The following OXNAD1 variants were observed in gnomAD, a reference collection of about 807,000 sequenced individuals.
OXNAD1 encodes the protein oxidoreductase NAD-binding domain-containing protein 1.
Under a neutral mutation model 32.9 loss-of-function variants are expected in OXNAD1, and 34 were observed. That is an observed-to-expected ratio of 1.03 (90% CI 0.79 to 1.38). The LOEUF is 1.38. Among genes scored for constraint, OXNAD1 ranks in the 40% most tolerant of loss-of-function variants. The pLI is 0.00. For synonymous variants in OXNAD1, 134 were observed against 135.2 expected (o/e 0.99, Z 0.06); for missense variants, 407 against 379.4 (o/e 1.07, Z -0.60).
rs1455243661 is a variant in OXNAD1 at position 16,301,385 on chromosome 3, A to C, written c.433-241A>C. Among the ~76,000 whole-genome samples the C allele has an allele frequency of 6.6e-6, 1 of 152,214 alleles. No individual in the cohort carries two copies. Among genetic ancestry groups the C allele is most frequent in the Non-Finnish European group, 1.5e-5 (1 of 68,040 alleles). On this transcript the variant is annotated intron_variant, in intron 6 of 8. Transcript: ENST00000285083. The surrounding 1 kb of genome is among the most constrained non-coding windows in gnomAD (Gnocchi z 4.1). Reference sequence around the variant, plus strand: ...ACAAATGGTGAAATCACTGAAGCACATCTCCTTTTCTCAGTATTGGAATGG... The same window carrying C: ...ACAAATGGTGAAATCACTGAAGCACCTCTCCTTTTCTCAGTATTGGAATGG...
intron 4 of OXNAD1, among the ~76,000 whole-genome samples, chr3:16,283,672 G>A (rs904943091): frequency 6.6e-6 from 1 of 152,140 alleles, no homozygotes; most frequent in African/African-American, 2.4e-5. Flanking sequence ...GAGAGTAGTA[G>A]TCTGTGAGTC....
downstream of OXNAD1, among the ~76,000 whole-genome samples, chr3:16,339,150 C>A (rs955881013): frequency 6.6e-6 from 1 of 152,216 alleles, no homozygotes; most frequent in Non-Finnish European, 1.5e-5. Context: ...TTCTCTCTCC[C>A]TAACTTTCTC....
chr3:16,302,324 CAG>C lies in OXNAD1; in HGVS notation c.676-314_676-313del, dbSNP rs908115864. ...GCAGCTGCAGGAATGAACAAAAGAA[CAG>C]AAACAGTTAAAAGACACAACTGTGG... On this transcript the variant is annotated intron_variant, in intron 7 of 8. Coordinates refer to ENST00000285083, the MANE Select transcript of OXNAD1 (RefSeq NM_138381.5). This position sits in a 1 kb window ranked among gnomAD's most constrained non-coding sequence, Gnocchi z 4.2. Among the ~76,000 whole-genome samples the C allele has an allele frequency of 5.3e-5, 8 of 152,164 alleles. No homozygotes were observed. Among genetic ancestry groups the C allele is most frequent in the African/African-American group, 1.9e-4 (8 of 41,436 alleles).
In OXNAD1 at chr3:16,297,770, T is replaced by G. The variant is rs1227551021; in HGVS notation, c.432+2773T>G. The stretch of plus-strand genomic sequence containing the variant: ...CTGTAAAATCCCATTTTTGTCACAT[T>G]CTGGAAGACAAAGATATAATGATGG... On this transcript the variant is annotated intron_variant, in intron 6 of 8. Coordinates refer to ENST00000285083, the MANE Select transcript of OXNAD1 (RefSeq NM_138381.5). The surrounding 1 kb of genome is among the most constrained non-coding windows in gnomAD (Gnocchi z 4.3). Among the ~76,000 whole-genome samples, 1 of 152,174 alleles carries G rather than the reference T, an allele frequency of 6.6e-6. No homozygotes were observed. The highest frequency in any genetic ancestry group is 1.5e-5 in the Non-Finnish European group (1 of 68,028).
downstream of OXNAD1, among the ~76,000 whole-genome samples, chr3:16,350,492 C>T (rs2072025370): frequency 6.8e-6 from 1 of 146,562 alleles, no homozygotes; most frequent in African/African-American, 2.5e-5. Flanking sequence ...AGATGAATCA[C>T]TTTTTTTTTT....
intron 4 of OXNAD1, chr3:16,276,083 A>G (rs1040079887): frequency 1.3e-5 from 2 of 157,960 alleles, no homozygotes; most frequent in African/African-American, 4.8e-5. Context: ...CAGTGAGCCA[A>G]GATTGCGCTA....
At chr3:16,341,580 C>T (rs981876437), downstream of OXNAD1, among the ~76,000 whole-genome samples, 2 of 152,114 alleles carry the variant, frequency 1.3e-5, no homozygotes, top group African/African-American at 2.4e-5. The surrounding 1 kb of genome is among the most constrained non-coding windows in gnomAD (Gnocchi z 4.7). Flanking sequence ...AGATTCAGTT[C>T]AGTTTTGCTA....
chr3:16,317,783 T>C lies in OXNAD1; in HGVS notation c.*30+14191T>C, dbSNP rs1190578454. Among the ~76,000 whole-genome samples, 1 of 152,044 alleles carries C rather than the reference T, an allele frequency of 6.6e-6. No homozygotes were observed. Among genetic ancestry groups the C allele is most frequent in the African/African-American group, 2.4e-5 (1 of 41,316 alleles). ...CTCCCCAGCTAGGCCGATAGCCCTT[T>C]GCTGACCACCACCTCACAGAAGGGT... is the stretch of plus-strand genomic sequence containing the variant. On this transcript the variant is annotated intron_variant, in intron 9 of 9. Coordinates refer to the OXNAD1 transcript ENST00000435829. This position sits in a 1 kb window ranked among gnomAD's most constrained non-coding sequence, Gnocchi z 4.3.
At chr3:16,267,204 T>C (rs2064584331) in intron 1 of OXNAD1, among the ~76,000 whole-genome samples, 1 of 152,234 alleles carries the variant, frequency 6.6e-6, no homozygotes, top group African/African-American at 2.4e-5. Context: ...GTTCATCTAC[T>C]TCTGCCATCT....
chr3:16,311,026 A>G (rs1434829111), downstream of OXNAD1, among the ~76,000 whole-genome samples: 2 of 147,844 alleles, frequency 1.4e-5, no homozygotes, highest in East Asian at 2.0e-4. Flanking sequence ...CATCTGGGAG[A>G]ATTCCCACTC....
In OXNAD1 at chr3:16,303,274, C is replaced by CTG; in HGVS notation, c.785-131_785-130dup. 9.6e-7 allele frequency: 1 copy of CTG among 1,040,412 alleles called. No homozygotes were observed. The highest frequency in any genetic ancestry group is 1.4e-6 in the Non-Finnish European group (1 of 707,318). 64.4% of individuals were successfully genotyped at this position (1,040,412 alleles called of 1,614,324 possible). Reference sequence around the variant, plus strand: ...GGCCCAGATGCCAATAGGAGCCATACTGTGAATGGCTTAAGAAGACTAGAC... The same window carrying CTG: ...GGCCCAGATGCCAATAGGAGCCATACTGTGTGAATGGCTTAAGAAGACTAGAC... On this transcript the variant is annotated intron_variant, in intron 8 of 8. Coordinates refer to ENST00000285083, the MANE Select transcript of OXNAD1 (RefSeq NM_138381.5). The surrounding 1 kb of genome is among the most constrained non-coding windows in gnomAD (Gnocchi z 4.8).
chr3:16,300,922 A>G (rs2067136173), intron 6 of OXNAD1, among the ~76,000 whole-genome samples: 1 of 152,206 alleles, frequency 6.6e-6, no homozygotes, highest in African/African-American at 2.4e-5. Flanking sequence ...CCTTCATCAG[A>G]AGCAGTAGCA....
At chr3:16,296,834 T>C (rs1406470853) in intron 6 of OXNAD1, among the ~76,000 whole-genome samples, 1 of 152,178 alleles carries the variant, frequency 6.6e-6, no homozygotes, top group East Asian at 1.9e-4. Context: ...CCTCATACTT[T>C]ATATTCAGAA....
At chr3:16,310,321 A>T (rs933998655), downstream of OXNAD1, among the ~76,000 whole-genome samples, 7 of 152,136 alleles carry the variant, frequency 4.6e-5, no homozygotes, top group Admixed American at 1.3e-4. Flanking sequence ...TGAACAATCA[A>T]CAAGATAGGA....
In OXNAD1 at chr3:16,344,330, G is replaced by T. The variant is rs950853862; in HGVS notation, c.*31-4846G>T. ...GTGGATTAGATCAGTAATTTTCAAG[G>T]TTTTTTTTTTTTAATTAGTAGGATG... On this transcript the variant is annotated intron_variant, in intron 9 of 9. Coordinates refer to the OXNAD1 transcript ENST00000606098. The surrounding 1 kb of genome is among the most constrained non-coding windows in gnomAD (Gnocchi z 4.4). Among the ~76,000 whole-genome samples the T allele has an allele frequency of 1.4e-5, 2 of 147,456 alleles. No homozygotes were observed. The highest frequency in any genetic ancestry group is 6.7e-5 in the Admixed American group (1 of 14,850).
chr3:16,317,756 C>T lies in OXNAD1; in HGVS notation c.*30+14164C>T, dbSNP rs572368536. Among the ~76,000 whole-genome samples the T allele has an allele frequency of 5.7e-4, 81 of 141,920 alleles. 1 individual carries two copies. The highest frequency in any genetic ancestry group is 8.1e-4 in the Non-Finnish European group (54 of 66,856). The allele number at this position is 141,920 out of a possible 152,430, so 93.1% of individuals were successfully genotyped here. On this transcript the variant is annotated intron_variant, in intron 9 of 9. Transcript: ENST00000435829. This position sits in a 1 kb window ranked among gnomAD's most constrained non-coding sequence, Gnocchi z 4.3. The stretch of plus-strand genomic sequence containing the variant: ...GATCCCCCCACAGGACTGGCGGGCC[C>T]GCTCCCCAGCTAGGCCGATAGCCCT...
chr3:16,303,420 C>T lies in OXNAD1; in HGVS notation c.797C>T (p.Thr266Met), dbSNP rs145275971. Residue 266 changes from threonine to methionine, a missense_variant, in exon 9 of 9, where the codon ACG (threonine) becomes ATG (methionine). Thr to Met is a moderately conservative substitution (Grantham distance 81). Transcript: ENST00000285083. The surrounding 1 kb of genome is among the most constrained non-coding windows in gnomAD (Gnocchi z 4.8). ...TGGTTTTTGGTAGAAGGAAGAATAA[C>T]GGAGAAGGAGATAAGAGATCATATT... ...LKPYITEGRI[T>M]EKEIRDHISK... is the part of the protein sequence containing the mutation. 73 of 1,613,440 alleles carry T rather than the reference C, an allele frequency of 4.5e-5. 1 individual carries two copies. The East Asian group carries it at 1.2e-3, about 27-fold the overall frequency.
Position 16,302,708 on chromosome 3 carries a change from G to GACT in OXNAD1, c.747_749dup (p.Thr250dup), listed in dbSNP as rs1407828133. ...CATGCAGTTTGCATGTTACAAAACA[G>GACT]ACTACACAAATCAATGCGGAACTCA... On this transcript the variant is annotated inframe_insertion, in exon 8 of 9. Transcript: ENST00000285083. This position sits in a 1 kb window ranked among gnomAD's most constrained non-coding sequence, Gnocchi z 4.2. The GACT allele has an allele frequency of 6.2e-7, 1 of 1,613,436 alleles. No individual in the cohort carries two copies. Among genetic ancestry groups the GACT allele is most frequent in the East Asian group, 2.2e-5 (1 of 44,810 alleles).
chr3:16,326,983 C>T (rs969651694), intron 9 of OXNAD1: 42 of 771,322 alleles, frequency 5.4e-5, no homozygotes, highest in African/African-American at 2.6e-4. Context: ...AAAGAAGTGG[C>T]GGTGCCCGGC....
Sources: allele counts gnomAD v4.1 joint callset (sites outside exome capture counted in the v4.1 genomes callset), GRCh38; gene constraint gnomAD v4.1.1; non-coding constraint Gnocchi (gnomAD v3.1); transcripts MANE v1.5; gene names NCBI Gene and HGNC (gene_info 2026-07-23, HGNC 2026-07-21).